Variants in RTL1 observed in about 807,000 individuals in gnomAD.
The protein encoded by RTL1 is retrotransposon-like protein 1.
For missense variants in RTL1, 1,681 were observed against 1,767.5 expected (o/e 0.95, Z 0.88); for synonymous variants, 727 against 748.4 (o/e 0.97, Z 0.47).
chr14:100,898,256 G>A (rs571858917), intron 2 of RTL1, among the ~76,000 whole-genome samples: 2 of 152,274 alleles, frequency 1.3e-5, no homozygotes, highest in East Asian at 1.9e-4. Flanking sequence ...GTCACAAATC[G>A]AGGTTTTAAT....
intron 2 of RTL1, among the ~76,000 whole-genome samples, chr14:100,896,695 CAGTT>C (rs1219928140): frequency 6.6e-6 from 1 of 152,092 alleles, no homozygotes; most frequent in African/African-American, 2.4e-5. Flanking sequence ...CTGCAGCTGA[CAGTT>C]AGAAATGCCA....
rs1424548419 is a variant in RTL1 at position 100,881,683 on chromosome 14, C to T, written c.3106G>A (p.Glu1036Lys). 7.7e-6 allele frequency: 12 copies of T among 1,557,164 alleles called. No homozygotes were observed. Among genetic ancestry groups the T allele is most frequent in the East Asian group, 2.4e-5 (1 of 41,114 alleles). ...PSTESGEEEN[E>K]EQDELNEQIL... ...TGTTCATTGAGCTCATCCTGTTCTTCATTCTCTTCTTCCCCGGATTCCGTC... is the reference window on the plus strand; with the variant it reads ...TGTTCATTGAGCTCATCCTGTTCTTTATTCTCTTCTTCCCCGGATTCCGTC... The change falls in exon 4 of 4, where the codon GAA becomes AAA. Residue 1036 changes from glutamate (E) to lysine (K), a missense_variant. Coordinates refer to ENST00000649591, the MANE Select transcript of RTL1 (RefSeq NM_001134888.3). This position sits in a 1 kb window ranked among gnomAD's most constrained non-coding sequence, Gnocchi z 6.6.
At chr14:100,885,672 A>G (rs952793471) in intron 3 of RTL1, among the ~76,000 whole-genome samples, 4 of 151,766 alleles carry the variant, frequency 2.6e-5, no homozygotes, top group Admixed American at 2.0e-4. Flanking sequence ...CCGACCTCTG[A>G]GCTGTTGAGG....
chr14:100,901,658 C>T (rs1476140486), intron 2 of RTL1, among the ~76,000 whole-genome samples: 1 of 152,232 alleles, frequency 6.6e-6, no homozygotes, highest in African/African-American at 2.4e-5. Context: ...ACTCACTCTG[C>T]CAGCCTGTTG....
chr14:100,889,581 A>G (rs1022545960), intron 3 of RTL1: 1 of 152,076 alleles, frequency 6.6e-6, no homozygotes, highest in African/African-American at 2.4e-5. Flanking sequence ...TTTTTGTTTA[A>G]CCACGTCCCT....
chr14:100,892,253 T>G (rs2038790001), intron 3 of RTL1, among the ~76,000 whole-genome samples: 1 of 151,760 alleles, frequency 6.6e-6, no homozygotes, highest in Admixed American at 6.6e-5. Flanking sequence ...GTTCTTAGAG[T>G]AGGAAGGTGA....
rs1250319206 is a variant in RTL1, at chr14:100,880,450, A to G, written c.*262T>C. Among the ~76,000 whole-genome samples the G allele has an allele frequency of 6.6e-6, 1 of 152,054 alleles. No individual in the cohort carries two copies. The highest frequency in any genetic ancestry group is 1.5e-5 in the Non-Finnish European group (1 of 68,004). On this transcript the variant is annotated 3_prime_UTR_variant, in exon 4 of 4. Coordinates refer to ENST00000649591, the MANE Select transcript of RTL1 (RefSeq NM_001134888.3). ...TCCCTCATGGATGTCACTCCCGGGC[A>G]TGGGCTTGGGACCTGGAGAACGGAG...
At chr14:100,884,961 G>C (rs1447833419) in intron 3 of RTL1, 87 bp from the exon 4 acceptor site, 1 of 579,718 alleles carries the variant, frequency 1.7e-6, no homozygotes, top group East Asian at 2.9e-5. Context: ...GGACAAATCA[G>C]ATGCCCAACT....
intron 2 of RTL1, among the ~76,000 whole-genome samples, chr14:100,898,803 A>G (rs1323301346): frequency 6.6e-6 from 1 of 152,234 alleles, no homozygotes; most frequent in Non-Finnish European, 1.5e-5. Context: ...GGCCCCACGA[A>G]ACACTGTGTT....
intron 3 of RTL1, among the ~76,000 whole-genome samples, chr14:100,890,231 C>T (rs1190932291): frequency 6.6e-6 from 1 of 151,902 alleles, no homozygotes; most frequent in Non-Finnish European, 1.5e-5. Flanking sequence ...TCTGTCGGGT[C>T]AGCTCCTTGC....
At chr14:100,885,366 T>A (rs1055177735) in intron 3 of RTL1, among the ~76,000 whole-genome samples, 1 of 152,242 alleles carries the variant, frequency 6.6e-6, no homozygotes, top group Non-Finnish European at 1.5e-5. Context: ...GGAGCGGGAA[T>A]CTCTAGCAAA....
chr14:100,896,555 C>T (rs753568550), intron 2 of RTL1, among the ~76,000 whole-genome samples: 9 of 148,652 alleles, frequency 6.1e-5, no homozygotes, highest in Admixed American at 1.3e-4. Context: ...GAGCCTGTGA[C>T]GGCTGCAGGG....
intron 3 of RTL1, among the ~76,000 whole-genome samples, chr14:100,889,046 A>G (rs569174417): frequency 1.3e-5 from 2 of 152,226 alleles, no homozygotes; most frequent in African/African-American, 2.4e-5. Context: ...GTTTTTCTGC[A>G]TACTTATCTC....
At chr14:100,896,831 G>T (rs189475548) in intron 2 of RTL1, among the ~76,000 whole-genome samples, 2 of 152,174 alleles carry the variant, frequency 1.3e-5, no homozygotes, top group Non-Finnish European at 2.9e-5. Flanking sequence ...CCAGCAAGCC[G>T]TCTAGGCTGC....
chr14:100,882,371 C>T lies in RTL1; in HGVS notation c.2418G>A (p.Lys806=). 6.4e-7 allele frequency: 1 copy of T among 1,551,688 alleles called. No individual in the cohort carries two copies. Among genetic ancestry groups the T allele is most frequent in the South Asian group, 1.2e-5 (1 of 84,066 alleles). Residue 806 remains lysine, a synonymous_variant, in exon 4 of 4, where the codon AAG becomes AAA. Coordinates refer to ENST00000649591, the MANE Select transcript of RTL1 (RefSeq NM_001134888.3). ...IITGYPTPGS[K]LSLRNFIEFV... ...ATTCGATGAAGTTTCGCAGAGATAG[C>T]TTGGAGCCAGGGGTAGGGTACCCTG...
intron 2 of RTL1, among the ~76,000 whole-genome samples, chr14:100,897,073 G>C (rs1230957644): frequency 1.3e-5 from 2 of 152,182 alleles, no homozygotes; most frequent in Non-Finnish European, 2.9e-5. Context: ...ACAGCCCTGG[G>C]CACACACCTG....
chr14:100,892,489 C>T (rs532516841), intron 3 of RTL1, among the ~76,000 whole-genome samples: 1 of 152,212 alleles, frequency 6.6e-6, no homozygotes, highest in Non-Finnish European at 1.5e-5. Flanking sequence ...AGGATTCTTA[C>T]GACTGTTACT....
chr14:100,884,453 A>G lies in RTL1; in HGVS notation c.336T>C (p.Asp112=). Residue 112 remains aspartate, a synonymous_variant, in exon 4 of 4, where the codon GAT becomes GAC. Transcript: ENST00000649591. The part of the protein sequence containing the change: ...SCNGSHQARG[D]PLSGASDRMK... The stretch of plus-strand genomic sequence containing the variant: ...TCCTATCAGATGCTCCACTGAGTGG[A>G]TCCCCCCTTGCCTGGTGTGAACCGT... 1 of 1,613,940 alleles carries G rather than the reference A, an allele frequency of 6.2e-7. No homozygotes were observed. Among genetic ancestry groups the G allele is most frequent in the Non-Finnish European group, 8.5e-7 (1 of 1,179,978 alleles).
intron 3 of RTL1, among the ~76,000 whole-genome samples, chr14:100,891,866 G>C (rs539137295): frequency 2.0e-5 from 3 of 152,092 alleles, no homozygotes; most frequent in Admixed American, 6.5e-5. Context: ...GGAGGGTTTC[G>C]GTGGTGGTCT....
Sources: allele counts gnomAD v4.1 joint callset (sites outside exome capture counted in the v4.1 genomes callset), GRCh38; gene constraint gnomAD v4.1.1; non-coding constraint Gnocchi (gnomAD v3.1); transcripts MANE v1.5; gene names NCBI Gene and HGNC (gene_info 2026-07-23, HGNC 2026-07-21).